Variants in TMEM236 observed in about 807,000 individuals in gnomAD.
The protein encoded by TMEM236 is transmembrane protein 236, also known as family with sequence similarity 23, member A.
A neutral mutation model predicts 14.7 loss-of-function variants in TMEM236; 11 were observed. The ratio of observed to expected loss-of-function variants is 0.75; its 90% CI spans 0.47 to 1.24. The LOEUF is 1.24. Among genes scored for constraint, TMEM236 ranks in the 50% most tolerant of loss-of-function variants. The pLI is 0.00. For missense variants in TMEM236, 464 were observed against 427.3 expected (o/e 1.09, Z -0.76); for synonymous variants, 182 against 168.6 (o/e 1.08, Z -0.62).
In TMEM236 at chr10:17,776,125, A is replaced by G; in HGVS notation, c.427A>G (p.Ile143Val). ...LVLLSLIMVD[I>V]IEKLRIYPLR... ...TCTGTTATCCCTGATCATGGTTGAT[A>G]TTATTGAAAAACTCAGGATATATCC... Residue 143 changes from isoleucine to valine, a missense_variant, in exon 3 of 4, where the codon ATT becomes GTT. Physicochemically the swap from Ile to Val is conservative, Grantham distance 29 (BLOSUM62 3). Transcript: ENST00000377495. 6.2e-7 allele frequency: 1 copy of G among 1,613,770 alleles called. No individual in the cohort carries two copies. Among genetic ancestry groups the G allele is most frequent in the Non-Finnish European group, 8.5e-7 (1 of 1,179,704 alleles).
intron 3 of TMEM236, among the ~76,000 whole-genome samples, chr10:17,794,630 G>C (rs1346605132): frequency 6.6e-6 from 1 of 152,166 alleles, no homozygotes; most frequent in Admixed American, 6.5e-5. Flanking sequence ...CCACAGAAGA[G>C]ATGCTTTAGG....
chr10:17,793,596 G>A (rs1837962910), intron 3 of TMEM236, among the ~76,000 whole-genome samples: 2 of 152,152 alleles, frequency 1.3e-5, no homozygotes, highest in South Asian at 4.1e-4. Context: ...CAATTCTCAT[G>A]CCTCAGCCAC....
chr10:17,775,284 G>GT (rs553849784), intron 2 of TMEM236, among the ~76,000 whole-genome samples: 2,056 of 152,142 alleles, frequency 0.014, 51 homozygotes, highest in African/African-American at 0.047. Flanking sequence ...TTTTGTTTCT[G>GT]TTTTTTGTGG....
At chr10:17,753,573 T>C (rs1171141451) in intron 1 of TMEM236, among the ~76,000 whole-genome samples, 6 of 152,200 alleles carry the variant, frequency 3.9e-5, no homozygotes, top group African/African-American at 1.4e-4. Flanking sequence ...GCAAAGGACA[T>C]GATCTTGTTC....
rs1005806710 is a variant in TMEM236, at chr10:17,756,444, C to T, written c.257+3892C>T. On this transcript the variant is annotated intron_variant, in intron 1 of 3. Coordinates refer to ENST00000377495, the MANE Select transcript of TMEM236 (RefSeq NM_001098844.3). ...CTGAGTAGTGGGGATTACAGTTGTG[C>T]ACGACCACACCCGACTAATTTTTGT... Among the ~76,000 whole-genome samples the T allele has an allele frequency of 6.6e-5, 10 of 151,976 alleles. 1 individual carries two copies. Among genetic ancestry groups the T allele is most frequent in the Non-Finnish European group, 1.3e-4 (9 of 68,014 alleles).
At chr10:17,777,528 A>C (rs1554835222) in intron 3 of TMEM236, among the ~76,000 whole-genome samples, 1 of 152,130 alleles carries the variant, frequency 6.6e-6, no homozygotes, top group East Asian at 1.9e-4. Flanking sequence ...TCTTGAGCTC[A>C]GGAGATCCTC....
Position 17,776,039 on chromosome 10 carries a change from G to A in TMEM236, c.341G>A (p.Ser114Asn), listed in dbSNP as rs2131753160. 3.7e-6 allele frequency: 6 copies of A among 1,613,832 alleles called. No homozygotes were observed. The highest frequency in any genetic ancestry group is 3.3e-5 in the South Asian group (3 of 91,078). Residue 114 changes from serine to asparagine, a missense_variant, in exon 3 of 4, where the codon AGC becomes AAC. Coordinates refer to ENST00000377495, the MANE Select transcript of TMEM236 (RefSeq NM_001098844.3). ...GTTTTCTCTAAACAGGTTCAAAAGA[G>A]CATTAATGGGTCCGCTGATGTCTTA... is the stretch of plus-strand genomic sequence containing the variant. The part of the protein sequence containing the change: ...FSIAVTEVQK[S>N]INGSADVLPD...
chr10:17,767,602 C>T (rs1249826832), intron 1 of TMEM236, among the ~76,000 whole-genome samples: 3 of 152,022 alleles, frequency 2.0e-5, no homozygotes, highest in Non-Finnish European at 4.4e-5. Context: ...TTATTGAATT[C>T]CTACTATGTG....
rs1838077644 is a variant in TMEM236 at position 17,800,451 on chromosome 10, T to C, written c.*3947T>C. 6.6e-6 allele frequency: 1 copy of C among 152,194 alleles called. No individual in the cohort carries two copies. The highest frequency in any genetic ancestry group is 6.5e-5 in the Admixed American group (1 of 15,282). The allele number at this position is 152,194 out of a possible 1,614,324, so 9.4% of individuals were successfully genotyped here. A position where few individuals can be genotyped will look rare whatever the true frequency, so the allele number is the denominator to read the frequency against. On this transcript the variant is annotated 3_prime_UTR_variant, in exon 4 of 4. Coordinates refer to ENST00000377495, the MANE Select transcript of TMEM236 (RefSeq NM_001098844.3). ...CTAATACCTGTAATACACTTTTTAG[T>C]GCCTTTTCTTTCTAAAAGTTAATGT...
At chr10:17,753,112 C>T (rs1837233069) in intron 1 of TMEM236, among the ~76,000 whole-genome samples, 1 of 151,424 alleles carries the variant, frequency 6.6e-6, no homozygotes, top group Non-Finnish European at 1.5e-5. Flanking sequence ...CAGGCTGGTC[C>T]CGAGCTCCTG....
intron 1 of TMEM236, among the ~76,000 whole-genome samples, chr10:17,755,247 G>A (rs1278752941): frequency 2.6e-5 from 4 of 151,972 alleles, no homozygotes; most frequent in Non-Finnish European, 5.9e-5. Flanking sequence ...CACTGCTCCC[G>A]GCCGATGTTT....
chr10:17,777,057 G>A (rs1313700939), intron 3 of TMEM236, among the ~76,000 whole-genome samples: 1 of 152,168 alleles, frequency 6.6e-6, no homozygotes, highest in Admixed American at 6.5e-5. Flanking sequence ...GGTGAATGGA[G>A]TCAACTGAGT....
intron 3 of TMEM236, among the ~76,000 whole-genome samples, chr10:17,788,973 C>A (rs1412055507): frequency 2.0e-5 from 3 of 152,050 alleles, no homozygotes; most frequent in African/African-American, 4.8e-5. Flanking sequence ...TAATCAGTTG[C>A]CTTTGTGGAG....
rs1420485026 is a variant in TMEM236, at chr10:17,797,017, C to T, written c.*513C>T. The T allele has an allele frequency of 6.2e-6, 1 of 162,308 alleles. No individual in the cohort carries two copies. Among genetic ancestry groups the T allele is most frequent in the Non-Finnish European group, 1.4e-5 (1 of 73,296 alleles). 10.1% of individuals were successfully genotyped at this position (162,308 alleles called of 1,614,324 possible). A position where few individuals can be genotyped will look rare whatever the true frequency, so the allele number is the denominator to read the frequency against. ...ATGATCTGAGGTGGGACAGTTTCAT[C>T]CCAGAACCCAACCCCACCCCCAACC... On this transcript the variant is annotated 3_prime_UTR_variant, in exon 4 of 4. Coordinates refer to ENST00000377495, the MANE Select transcript of TMEM236 (RefSeq NM_001098844.3).
At chr10:17,764,510 T>C (rs1344630187) in intron 1 of TMEM236, among the ~76,000 whole-genome samples, 1 of 152,214 alleles carries the variant, frequency 6.6e-6, no homozygotes, top group Non-Finnish European at 1.5e-5. Context: ...ATTCTGTTAT[T>C]TGTAGTACTT....
intron 1 of TMEM236, among the ~76,000 whole-genome samples, chr10:17,754,046 A>G: frequency 6.6e-6 from 1 of 152,220 alleles, no homozygotes; most frequent in East Asian, 1.9e-4. Context: ...ATAATAACAC[A>G]TGAGATGGGT....
At chr10:17,794,895 G>T (rs1031685912) in intron 3 of TMEM236, among the ~76,000 whole-genome samples, 24 of 152,126 alleles carry the variant, frequency 1.6e-4, no homozygotes, top group African/African-American at 5.6e-4. Flanking sequence ...AGGCATGGTG[G>T]TGTGCACCTG....
chr10:17,769,837 T>A (rs1390149851), intron 1 of TMEM236, among the ~76,000 whole-genome samples: 2 of 152,194 alleles, frequency 1.3e-5, no homozygotes, highest in East Asian at 3.8e-4. Flanking sequence ...TTCTTTATAA[T>A]TTCAACTTGT....
intron 1 of TMEM236, among the ~76,000 whole-genome samples, chr10:17,768,989 G>A (rs1167218404): frequency 3.9e-5 from 6 of 152,130 alleles, no homozygotes; most frequent in African/African-American, 1.4e-4. Context: ...ACATTGTTGT[G>A]TGACTGTTGC....
Sources: allele counts gnomAD v4.1 joint callset (sites outside exome capture counted in the v4.1 genomes callset), GRCh38; gene constraint gnomAD v4.1.1; transcripts MANE v1.5; gene names NCBI Gene and HGNC (gene_info 2026-07-23, HGNC 2026-07-21).